The following ENTREP1 variants were observed in gnomAD, a reference collection of about 807,000 sequenced individuals.
The protein encoded by ENTREP1 is Friedreich ataxia region gene X123.
At chr9:69,391,170 T>C in the ENTREP1 span, among the ~76,000 whole-genome samples, 1 of 152,208 alleles carries the variant, frequency 6.6e-6, no homozygotes, top group Non-Finnish European at 1.5e-5. Flanking sequence ...TACAGATTCC[T>C]GAGCCTGAGT....
At chr9:69,386,699 A>C in the ENTREP1 span, 2 of 152,214 alleles carry the variant, frequency 1.3e-5, no homozygotes, top group African/African-American at 4.8e-5. Flanking sequence ...AAACTTTGAT[A>C]ATCCTCCACC....
chr9:69,392,073 G>T, the ENTREP1 span: 1 of 509,422 alleles, frequency 2.0e-6, no homozygotes, highest in Non-Finnish European at 3.5e-6. Flanking sequence ...GCATTCCCAA[G>T]GGTCACATGC....
the ENTREP1 span, among the ~76,000 whole-genome samples, chr9:69,367,495 T>C: frequency 1.3e-5 from 2 of 150,480 alleles, no homozygotes; most frequent in East Asian, 3.9e-4. Context: ...GAACATGGGA[T>C]GTATTATTAT....
At chr9:69,327,303 G>T in the ENTREP1 span, among the ~76,000 whole-genome samples, 34 of 152,242 alleles carry the variant, frequency 2.2e-4, no homozygotes, top group African/African-American at 7.2e-4. Flanking sequence ...ACAGAAGGAT[G>T]GATATTCCAG....
At chr9:69,349,582 T>C in the ENTREP1 span, among the ~76,000 whole-genome samples, 1 of 152,202 alleles carries the variant, frequency 6.6e-6, no homozygotes, top group East Asian at 1.9e-4. Flanking sequence ...TTCAGATCCA[T>C]TGCCCATTTA....
the ENTREP1 span, chr9:69,336,282 CT>C: frequency 6.5e-7 from 1 of 1,545,072 alleles, no homozygotes; most frequent in Non-Finnish European, 8.9e-7. Context: ...ATGTACTGAT[CT>C]TATAAATTGC....
At chr9:69,385,971 C>T in the ENTREP1 span, 48 of 1,585,098 alleles carry the variant, frequency 3.0e-5, no homozygotes, top group East Asian at 6.8e-5. Flanking sequence ...CCAAGCTCTT[C>T]GCAGGGCTGT....
the ENTREP1 span, chr9:69,336,279 G>A: frequency 6.4e-7 from 1 of 1,557,382 alleles, no homozygotes; most frequent in Non-Finnish European, 8.8e-7. Flanking sequence ...GGTATGTACT[G>A]ATCTTATAAA....
the ENTREP1 span, among the ~76,000 whole-genome samples, chr9:69,358,618 AGT>A: frequency 6.6e-6 from 1 of 152,214 alleles, no homozygotes; most frequent in Non-Finnish European, 1.5e-5. Flanking sequence ...GACAAAACAG[AGT>A]GTGAAAGAGA....
chr9:69,383,475 T>G, the ENTREP1 span: 367,186 of 1,494,638 alleles, frequency 0.25, 46,493 homozygotes, highest in African/African-American at 0.35. Flanking sequence ...GGAGAGCAGC[T>G]TCTATTATTC....
At chr9:69,347,462 GA>G in the ENTREP1 span, among the ~76,000 whole-genome samples, 2 of 152,076 alleles carry the variant, frequency 1.3e-5, no homozygotes, top group South Asian at 4.1e-4. Flanking sequence ...AGACCCACAC[GA>G]AAAAAGGGAA....
chr9:69,367,846 T>A, the ENTREP1 span, among the ~76,000 whole-genome samples: 9 of 137,354 alleles, frequency 6.6e-5, no homozygotes, highest in East Asian at 2.0e-4. Flanking sequence ...CACATATATA[T>A]ATAAATATAT....
chr9:69,334,440 G>C, the ENTREP1 span, among the ~76,000 whole-genome samples: 4 of 152,282 alleles, frequency 2.6e-5, no homozygotes, highest in African/African-American at 9.6e-5. Flanking sequence ...AGTGAGAATG[G>C]AGAATATTGC....
At chr9:69,350,447 C>T in the ENTREP1 span, among the ~76,000 whole-genome samples, 1 of 152,118 alleles carries the variant, frequency 6.6e-6, no homozygotes, top group Non-Finnish European at 1.5e-5. Context: ...TTCCACTTTC[C>T]CTTTTGGATG....
chr9:69,356,371 C>G, the ENTREP1 span, among the ~76,000 whole-genome samples: 1 of 152,192 alleles, frequency 6.6e-6, no homozygotes, highest in African/African-American at 2.4e-5. Flanking sequence ...GACCTCACCT[C>G]GTGATATGAG....
the ENTREP1 span, among the ~76,000 whole-genome samples, chr9:69,370,621 T>C: frequency 6.6e-6 from 1 of 152,194 alleles, no homozygotes; most frequent in African/African-American, 2.4e-5. Flanking sequence ...TATTAAACAT[T>C]GACTCATAAA....
At chr9:69,377,429 C>T in the ENTREP1 span, 26 of 1,613,956 alleles carry the variant, frequency 1.6e-5, no homozygotes, top group Middle Eastern at 1.6e-4. Flanking sequence ...GCTTGGTGGC[C>T]GCTGCCCTCC....
chr9:69,376,573 C>T, the ENTREP1 span, among the ~76,000 whole-genome samples: 5 of 152,214 alleles, frequency 3.3e-5, no homozygotes, highest in East Asian at 5.8e-4. Flanking sequence ...CCACTTCTGC[C>T]GGTTTTCTTT....
the ENTREP1 span, among the ~76,000 whole-genome samples, chr9:69,370,497 A>G: frequency 2.0e-5 from 3 of 152,300 alleles, no homozygotes; most frequent in East Asian, 5.8e-4. Flanking sequence ...TTCCATTAGT[A>G]TTTTCCCCAA....
Sources: allele counts gnomAD v4.1 joint callset (sites outside exome capture counted in the v4.1 genomes callset), GRCh38; gene constraint gnomAD v4.1.1; transcripts MANE v1.5; gene names NCBI Gene and HGNC (gene_info 2026-07-23, HGNC 2026-07-21).